RYR3: variants seen among roughly 807,000 people sequenced by gnomAD.
The protein encoded by RYR3 is brain ryanodine receptor-calcium release channel.
Under a neutral mutation model 584.3 loss-of-function variants are expected in RYR3, and 207 were observed. That is an observed-to-expected ratio of 0.35 (90% CI 0.32 to 0.40). RYR3 has a LOEUF of 0.40. Among genes scored for constraint, RYR3 ranks in the 10% least tolerant of loss-of-function variants. RYR3 has a pLI of 1.00. For synonymous variants in RYR3, 2,416 were observed against 2,248.5 expected, an observed-to-expected ratio of 1.07 and a Z score of -2.11; for missense variants, 5,616 against 6,089.2, an observed-to-expected ratio of 0.92 and a Z score of 2.59.
chr15:33,773,243 G>A (rs117094173), intron 63 of RYR3, among the ~76,000 whole-genome samples: 2,107 of 152,318 alleles, frequency 0.014, 26 homozygotes, highest in Non-Finnish European at 0.022. Flanking sequence ...TCGCATTATG[G>A]AAGGACCCAT....
At chr15:33,464,489 T>TATATATATATATATATATATACACACAC (rs1450450145) in intron 1 of RYR3, among the ~76,000 whole-genome samples, 16 of 67,446 alleles carry the variant, frequency 2.4e-4, no homozygotes, top group African/African-American at 1.2e-3. Context: ...TATATATATA[T>TATATATATATATATATATATACACACAC]ACACATATAT....
intron 72 of RYR3, among the ~76,000 whole-genome samples, chr15:33,812,500 C>CATT (rs762497749): frequency 2.6e-4 from 40 of 151,786 alleles, no homozygotes; most frequent in South Asian, 8.3e-4. Flanking sequence ...ACTTCATAGT[C>CATT]ATTATAAAAA....
intron 2 of RYR3, among the ~76,000 whole-genome samples, chr15:33,494,108 T>G (rs994855071): frequency 9.2e-5 from 14 of 152,134 alleles, no homozygotes; most frequent in Non-Finnish European, 2.1e-4. Context: ...GGCTATTTTT[T>G]TTTTTAGCTC....
chr15:33,320,143 C>G (rs1218098190), intron 1 of RYR3, among the ~76,000 whole-genome samples: 4 of 152,150 alleles, frequency 2.6e-5, no homozygotes, highest in Non-Finnish European at 5.9e-5. Context: ...TGAAAGCACT[C>G]CCTAGAATGC....
At chr15:33,391,574 C>T (rs113580654) in intron 1 of RYR3, among the ~76,000 whole-genome samples, 10 of 150,582 alleles carry the variant, frequency 6.6e-5, no homozygotes, top group African/African-American at 2.4e-4. Flanking sequence ...TGCAGTGAGC[C>T]GAGATTGTGC....
At chr15:33,328,478 G>C (rs1354867788) in intron 1 of RYR3, among the ~76,000 whole-genome samples, 2 of 152,084 alleles carry the variant, frequency 1.3e-5, no homozygotes, top group Non-Finnish European at 2.9e-5. Context: ...TTTTCAGATG[G>C]GTTCCTTCTC....
At chr15:33,833,504 T>C (rs1041317898) in intron 86 of RYR3, among the ~76,000 whole-genome samples, 5 of 152,216 alleles carry the variant, frequency 3.3e-5, no homozygotes, top group African/African-American at 9.6e-5. Context: ...TATAAGGACA[T>C]GAAGTGATAA....
At chr15:33,572,092 C>G (rs756020840) in intron 12 of RYR3, among the ~76,000 whole-genome samples, 5 of 152,078 alleles carry the variant, frequency 3.3e-5, no homozygotes, top group Non-Finnish European at 7.4e-5. Context: ...TTGCCTACTC[C>G]TTTGTGATAA....
At chr15:33,495,753 A>G (rs1326766769) in intron 2 of RYR3, among the ~76,000 whole-genome samples, 3 of 152,226 alleles carry the variant, frequency 2.0e-5, no homozygotes, top group Non-Finnish European at 2.9e-5. Context: ...ATTATAAACT[A>G]TCAACAACTT....
rs1200627038 is a variant in RYR3 at position 33,663,687 on chromosome 15, G to A, written c.5569G>A (p.Ala1857Thr). The A allele has an allele frequency of 1.9e-6, 3 of 1,611,774 alleles. No homozygotes were observed. Among genetic ancestry groups the A allele is most frequent in the East Asian group, 2.2e-5 (1 of 44,830 alleles). ...CATGCAGGCCCTGAACATGTCTGCGGCCCTGACTGCCCGGAAGACCAAGGA... is the reference window on the plus strand; with the variant it reads ...CATGCAGGCCCTGAACATGTCTGCGACCCTGACTGCCCGGAAGACCAAGGA... The part of the protein sequence containing the change: ...ELMQALNMSA[A>T]LTARKTKEFR... Residue 1857 changes from alanine (A) to threonine (T), a missense_variant, in exon 36 of 104, where the codon GCC becomes ACC. By Grantham distance (58) the Ala-to-Thr change is moderately conservative (BLOSUM62 0). Around this residue, in one of 9 missense-constraint regions of RYR3, gnomAD observed 1,280 missense variants for 1,426.2 expected, o/e 0.90. Coordinates refer to ENST00000634891, the MANE Select transcript of RYR3 (RefSeq NM_001036.6).
chr15:33,528,874 A>G lies in RYR3; in HGVS notation c.280-1718A>G, dbSNP rs145456282. On this transcript the variant is annotated intron_variant, in intron 3 of 103. Coordinates refer to ENST00000634891, the MANE Select transcript of RYR3 (RefSeq NM_001036.6). ...GGATCAGTGACTCTTAATTCTTCTT[A>G]TGATTAGAGAGTTGGTAGGGACAAA... 2.8e-3 allele frequency among the ~76,000 whole-genome samples: 433 copies of G among 152,268 alleles called. 1 individual carries two copies. Among genetic ancestry groups the G allele is most frequent in the African/African-American group, 9.7e-3 (405 of 41,544 alleles).
At chr15:33,713,977 G>A (rs180704318) in intron 43 of RYR3, among the ~76,000 whole-genome samples, 2 of 152,182 alleles carry the variant, frequency 1.3e-5, no homozygotes, top group African/African-American at 4.8e-5. Context: ...GGAGGGTGGG[G>A]GGGACACGAA....
At chr15:33,629,782 T>C (rs2061177232) in intron 21 of RYR3, 158 bp from the exon 22 acceptor site, 3 of 570,850 alleles carry the variant, frequency 5.3e-6, no homozygotes, top group Middle Eastern at 2.7e-4. Context: ...TCTCATTGAC[T>C]AGAGAGATCA....
At chr15:33,445,664 AACACACACACACACACACACACACAC>A (rs61585713) in intron 1 of RYR3, among the ~76,000 whole-genome samples, 5 of 106,040 alleles carry the variant, frequency 4.7e-5, no homozygotes, top group East Asian at 5.3e-4. Flanking sequence ...TTCCCCCACC[AACACACACACACACACACACACACAC>A]ACACACACAC....
intron 4 of RYR3, 135 bp downstream of exon 4, chr15:33,530,801 T>C: frequency 1.5e-6 from 1 of 683,624 alleles, no homozygotes; most frequent in Non-Finnish European, 2.6e-6. Context: ...CGTTATCCTC[T>C]TGGCATTTCC....
chr15:33,316,796 C>T (rs1968235089), intron 1 of RYR3, among the ~76,000 whole-genome samples: 1 of 152,202 alleles, frequency 6.6e-6, no homozygotes, highest in African/African-American at 2.4e-5. Flanking sequence ...GTCGACCTTT[C>T]TTATCATCAG....
chr15:33,568,109 G>GATCTATA (rs2152493021), intron 12 of RYR3, among the ~76,000 whole-genome samples: 1 of 152,224 alleles, frequency 6.6e-6, no homozygotes, highest in South Asian at 2.1e-4. Context: ...AATCTGTAGA[G>GATCTATA]GAAAAAAGTA....
At chr15:33,476,259 G>C (rs942365023) in intron 2 of RYR3, among the ~76,000 whole-genome samples, 9 of 152,210 alleles carry the variant, frequency 5.9e-5, no homozygotes, top group African/African-American at 1.9e-4. Flanking sequence ...AGAATGCTTT[G>C]TATCCCTCAG....
At chr15:33,722,122 A>G (rs2067978827) in intron 43 of RYR3, among the ~76,000 whole-genome samples, 1 of 152,188 alleles carries the variant, frequency 6.6e-6, no homozygotes, top group African/African-American at 2.4e-5. Context: ...TAACAGAGTC[A>G]GAAGCTGATA....
Sources: allele counts gnomAD v4.1 joint callset (sites outside exome capture counted in the v4.1 genomes callset), GRCh38; gene constraint gnomAD v4.1.1; regional missense constraint gnomAD v4.1.1; transcripts MANE v1.5; gene names NCBI Gene and HGNC (gene_info 2026-07-23, HGNC 2026-07-21).